PIWIL2: variants seen among roughly 807,000 people sequenced by gnomAD.
PIWIL2 encodes piwi-like protein 2.
In PIWIL2, 81 loss-of-function variants were observed where a neutral mutation model predicts 116.5. That is an observed-to-expected ratio of 0.70 (90% CI 0.58 to 0.84). The LOEUF (loss-of-function observed/expected upper bound fraction) is 0.84. PIWIL2 is among the 40% of genes least tolerant of loss of function. PIWIL2 has a pLI of 0.00. For synonymous variants in PIWIL2, 489 were observed against 429.5 expected, an observed-to-expected ratio of 1.14 and a Z score of -1.71; for missense variants, 1,272 against 1,212.3, an observed-to-expected ratio of 1.05 and a Z score of -0.73.
chr8:22,283,980 A>G (rs1477279867), intron 5 of PIWIL2, among the ~76,000 whole-genome samples, 182 bp from the exon 6 acceptor site: 1 of 152,018 alleles, frequency 6.6e-6, no homozygotes, highest in Non-Finnish European at 1.5e-5. Flanking sequence ...CTTGCTAACG[A>G]TTTGCCTTCT....
chr8:22,311,719 G>C (rs1172606568), intron 16 of PIWIL2, among the ~76,000 whole-genome samples: 3 of 152,186 alleles, frequency 2.0e-5, no homozygotes, highest in African/African-American at 7.2e-5. Flanking sequence ...ATTGGGTCCT[G>C]ATGACTGATC....
chr8:22,289,152 C>CT (rs374688951), intron 8 of PIWIL2, among the ~76,000 whole-genome samples: 3,921 of 135,250 alleles, frequency 0.029, 80 homozygotes, highest in African/African-American at 0.053. Flanking sequence ...TTTCTTTTTT[C>CT]TTTTTTTTTT....
At chr8:22,352,097 A>G (rs947619886) in intron 20 of PIWIL2, among the ~76,000 whole-genome samples, 1 of 151,860 alleles carries the variant, frequency 6.6e-6, no homozygotes, top group Admixed American at 6.6e-5. Context: ...GGCATGTGCC[A>G]CCATGCCTGT....
intron 20 of PIWIL2, chr8:22,322,021 GT>G (rs1014314109): frequency 4.1e-3 from 3,373 of 829,934 alleles, no homozygotes; most frequent in African/African-American, 7.3e-3. Flanking sequence ...TACTGTTTTG[GT>G]TTTTTTTTTT....
chr8:22,347,095 C>A (rs1258512362), intron 20 of PIWIL2, among the ~76,000 whole-genome samples: 5 of 149,076 alleles, frequency 3.4e-5, no homozygotes, highest in African/African-American at 1.2e-4. Context: ...TGCTTGAGTT[C>A]AGGAAGTTCA....
intron 16 of PIWIL2, among the ~76,000 whole-genome samples, chr8:22,313,452 C>A (rs141148743): frequency 6.6e-6 from 1 of 152,292 alleles, no homozygotes; most frequent in Non-Finnish European, 1.5e-5. Context: ...TTTAAACAAA[C>A]ATAAACACTT....
rs180979391 is a variant in PIWIL2, at chr8:22,351,538, T to G, written c.2404-1421T>G. On this transcript the variant is annotated intron_variant, in intron 20 of 22. Coordinates refer to ENST00000356766, the MANE Select transcript of PIWIL2 (RefSeq NM_018068.5). ...GGTTTTTTTGGTGTTTTTTTTTTGT[T>G]TTTTTGTTTTTTGTTTTGAGACGGA... Among the ~76,000 whole-genome samples, 1,053 of 125,524 alleles carry G rather than the reference T, an allele frequency of 8.4e-3. 11 individuals are homozygous for G. The highest frequency in any genetic ancestry group is 0.029 in the African/African-American group (1,008 of 35,288). 82.3% of individuals were successfully genotyped at this position (125,524 alleles called of 152,430 possible). A position where few individuals can be genotyped will look rare whatever the true frequency, so the allele number is the denominator to read the frequency against.
At chr8:22,289,793 A>G (rs1022976092) in intron 8 of PIWIL2, 54 bp from the exon 9 acceptor site, 29 of 1,065,254 alleles carry the variant, frequency 2.7e-5, no homozygotes, top group Middle Eastern at 2.2e-4. Flanking sequence ...AGAATAATGG[A>G]ACATAATTTT....
chr8:22,348,778 T>C (rs1254616673), intron 20 of PIWIL2, among the ~76,000 whole-genome samples: 1 of 152,204 alleles, frequency 6.6e-6, no homozygotes, highest in Non-Finnish European at 1.5e-5. Context: ...AAGAGTTATG[T>C]TTCAGCCTTG....
At chr8:22,301,845 C>G (rs1445171876) in intron 10 of PIWIL2, among the ~76,000 whole-genome samples, 2 of 152,026 alleles carry the variant, frequency 1.3e-5, no homozygotes, top group Non-Finnish European at 2.9e-5. Flanking sequence ...GTTTAAGTAT[C>G]ATAGCACTGT....
In PIWIL2 at chr8:22,303,594, A is replaced by G. The variant is rs541648359; in HGVS notation, c.1182-427A>G. ...AGTTTTTTAGAGATGGGGTCTCGCC[A>G]TGTTGCCCAGGCTGATGTCAATATC... is the stretch of plus-strand genomic sequence containing the variant. On this transcript the variant is annotated intron_variant, in intron 10 of 22. Transcript: ENST00000356766. Among the ~76,000 whole-genome samples, 6 of 152,172 alleles carry G rather than the reference A, an allele frequency of 3.9e-5. No homozygotes were observed. In the South Asian group the frequency reaches 1.2e-3, roughly 32 times the overall value.
intron 20 of PIWIL2, among the ~76,000 whole-genome samples, chr8:22,319,634 A>G (rs987939918): frequency 2.0e-5 from 3 of 152,208 alleles, no homozygotes; most frequent in Admixed American, 6.5e-5. Flanking sequence ...GATGTTCACA[A>G]TCAGGAACTG....
At chr8:22,354,993 C>A (rs1314887444) in intron 22 of PIWIL2, among the ~76,000 whole-genome samples, 11 of 151,872 alleles carry the variant, frequency 7.2e-5, no homozygotes, top group African/African-American at 2.4e-4. Flanking sequence ...TCACTTGAAT[C>A]CAGGAGGAGG....
intron 10 of PIWIL2, 111 bp downstream of exon 10, chr8:22,290,457 C>A (rs534073133): frequency 4.1e-5 from 26 of 634,254 alleles, no homozygotes; most frequent in Middle Eastern, 2.8e-4. Context: ...GTTTTTTCCC[C>A]CAGAGACAGG....
At chr8:22,312,622 T>C (rs766720582) in intron 16 of PIWIL2, among the ~76,000 whole-genome samples, 1 of 152,094 alleles carries the variant, frequency 6.6e-6, no homozygotes, top group Non-Finnish European at 1.5e-5. Flanking sequence ...CACACTTGTG[T>C]TCTTTCTTTG....
intron 1 of PIWIL2, among the ~76,000 whole-genome samples, chr8:22,278,391 A>G (rs1346905475): frequency 6.6e-6 from 1 of 152,104 alleles, no homozygotes; most frequent in Non-Finnish European, 1.5e-5. Flanking sequence ...GTTGTGGTGC[A>G]TGCCTGTAGT....
chr8:22,279,251 G>A (rs971259023), intron 1 of PIWIL2, 90 bp from the exon 2 acceptor site: 2 of 694,136 alleles, frequency 2.9e-6, no homozygotes, highest in Non-Finnish European at 5.1e-6. Context: ...TTACTGGACT[G>A]ACTCAAAATA....
chr8:22,322,367 C>T (rs528340039), intron 20 of PIWIL2, among the ~76,000 whole-genome samples: 1 of 152,204 alleles, frequency 6.6e-6, no homozygotes, highest in South Asian at 2.1e-4. Context: ...CCTCCCACCT[C>T]AGCCTCCCAA....
In PIWIL2 at chr8:22,289,923, C is replaced by T. The variant is rs748918431; in HGVS notation, c.1063C>T (p.His355Tyr). 6.2e-7 allele frequency: 1 copy of T among 1,601,566 alleles called. No individual in the cohort carries two copies. The highest frequency in any genetic ancestry group is 1.1e-5 in the South Asian group (1 of 90,656). ...DPTSAMVLQQ[H>Y]RLQIWPGYAA... Reference sequence around the variant, plus strand: ...TACAAGTGCTATGGTACTACAGCAACACAGGTTGGTACTTTTTTCCCTTCC... The same window carrying T: ...TACAAGTGCTATGGTACTACAGCAATACAGGTTGGTACTTTTTTCCCTTCC... The change falls in exon 9 of 23, where the codon CAC becomes TAC. Residue 355 changes from histidine (H) to tyrosine (Y), a missense_variant. Transcript: ENST00000356766.
Sources: gnomAD v4.1 joint callset for allele counts (sites outside exome capture counted in the v4.1 genomes callset) on GRCh38, gnomAD v4.1.1 for gene constraint, MANE v1.5 for transcripts, NCBI Gene and HGNC (gene_info 2026-07-23, HGNC 2026-07-21) for gene names.